IMMP2L: variants seen among roughly 807,000 people sequenced by gnomAD.
IMMP2L encodes the protein inner mitochondrial membrane peptidase subunit 2, also known as mitochondrial inner membrane protease subunit 2.
In IMMP2L, 18 loss-of-function variants were observed where a neutral mutation model predicts 19.3. The ratio of observed to expected loss-of-function variants is 0.93; its 90% CI spans 0.64 to 1.38. IMMP2L has a LOEUF of 1.38. IMMP2L is among the 40% of genes most tolerant of loss of function. IMMP2L has a pLI of 0.00. For synonymous variants in IMMP2L, 76 were observed against 73.0 expected (o/e 1.04, Z -0.21); for missense variants, 233 against 218.2 (o/e 1.07, Z -0.43).
chr7:111,281,373 T>A (rs1389029345), intron 3 of IMMP2L, among the ~76,000 whole-genome samples: 1 of 151,954 alleles, frequency 6.6e-6, no homozygotes, highest in East Asian at 1.9e-4. Flanking sequence ...GGCAATAAAA[T>A]TTAGTAACCC....
chr7:110,994,164 A>C, intron 3 of IMMP2L, among the ~76,000 whole-genome samples: 2 of 115,050 alleles, frequency 1.7e-5, no homozygotes, highest in Admixed American at 9.0e-5. Context: ...TAGAGAAACC[A>C]CACACTTGGC....
intron 3 of IMMP2L, among the ~76,000 whole-genome samples, chr7:111,273,786 T>C (rs1360037123): frequency 6.6e-6 from 1 of 152,078 alleles, no homozygotes; most frequent in Non-Finnish European, 1.5e-5. Context: ...CTGGAATTAA[T>C]AATTATGTTT....
Position 110,663,296 on chromosome 7 carries a change from C to T in IMMP2L, c.*306G>A, listed in dbSNP as rs560972544. 4.3e-6 allele frequency: 1 copy of T among 233,576 alleles called. No individual in the cohort carries two copies. The highest frequency in any genetic ancestry group is 6.1e-5 in the South Asian group (1 of 16,294). The allele number at this position is 233,576 out of a possible 1,614,324, so 14.5% of individuals were successfully genotyped here. A position where few individuals can be genotyped will look rare whatever the true frequency, so the allele number is the denominator to read the frequency against. ...CAATCAATATAATAAGTATATGTAA[C>T]AAATAATCTGAAATTCAGCCCCATT... On this transcript the variant is annotated 3_prime_UTR_variant, in exon 6 of 6. Coordinates refer to ENST00000405709, the MANE Select transcript of IMMP2L (RefSeq NM_032549.4).
chr7:111,103,849 T>A (rs528591586), intron 3 of IMMP2L, among the ~76,000 whole-genome samples: 25 of 151,642 alleles, frequency 1.6e-4, no homozygotes, highest in Non-Finnish European at 3.5e-4. Context: ...AACAATGACA[T>A]GGCAGCAGCA....
At chr7:110,827,879 A>C (rs1803646878) in intron 5 of IMMP2L, among the ~76,000 whole-genome samples, 1 of 152,152 alleles carries the variant, frequency 6.6e-6, no homozygotes, top group Non-Finnish European at 1.5e-5. Context: ...CACATAAGAA[A>C]CACCTCTGGA....
intron 3 of IMMP2L, among the ~76,000 whole-genome samples, chr7:111,478,190 A>G (rs1396615254): frequency 6.6e-6 from 1 of 151,866 alleles, no homozygotes; most frequent in African/African-American, 2.4e-5. Context: ...CCCATGCACT[A>G]TTCTATATAT....
chr7:111,274,061 A>G (rs1044184852), intron 3 of IMMP2L, among the ~76,000 whole-genome samples: 1 of 152,146 alleles, frequency 6.6e-6, no homozygotes, highest in Non-Finnish European at 1.5e-5. Flanking sequence ...TACTCTGCCA[A>G]TGACACCCAA....
intron 3 of IMMP2L, among the ~76,000 whole-genome samples, chr7:111,119,766 A>T (rs765026609): frequency 7.9e-5 from 12 of 152,070 alleles, no homozygotes; most frequent in Non-Finnish European, 1.3e-4. Context: ...TGCCCAGAAG[A>T]TAGGATGCAA....
At chr7:111,336,391 A>G (rs1412145904) in intron 3 of IMMP2L, among the ~76,000 whole-genome samples, 10 of 151,950 alleles carry the variant, frequency 6.6e-5, no homozygotes, top group Non-Finnish European at 1.5e-5. Flanking sequence ...AAATAAAAAT[A>G]TTATGTGTTT....
chr7:110,916,459 AG>A (rs944922828), intron 4 of IMMP2L, among the ~76,000 whole-genome samples: 1 of 152,236 alleles, frequency 6.6e-6, no homozygotes, highest in Admixed American at 6.5e-5. Flanking sequence ...ATTATATAAA[AG>A]TGGTGGGACA....
intron 5 of IMMP2L, among the ~76,000 whole-genome samples, chr7:110,736,518 T>C (rs1796646641): frequency 6.6e-6 from 1 of 152,226 alleles, no homozygotes; most frequent in Non-Finnish European, 1.5e-5. Flanking sequence ...CTGTGTGGGC[T>C]GTGCCCAGCA....
chr7:111,079,598 G>C (rs1376757976), intron 3 of IMMP2L, among the ~76,000 whole-genome samples: 1 of 152,182 alleles, frequency 6.6e-6, no homozygotes, highest in Non-Finnish European at 1.5e-5. Flanking sequence ...AAGCACATGT[G>C]TGCTTGCATA....
Position 111,035,900 on chromosome 7 carries a change from T to A in IMMP2L, c.240-72335A>T, listed in dbSNP as rs552169659. 4.3e-4 allele frequency among the ~76,000 whole-genome samples: 65 copies of A among 152,214 alleles called. 1 individual carries two copies. The Middle Eastern group carries it at 0.017, about 40-fold the overall frequency. ...CATTCCACATTTGAACTTGGGCAAG[T>A]TACCTCCCTGTGCCTCAGTTTCCTC... On this transcript the variant is annotated intron_variant, in intron 3 of 5. Coordinates refer to ENST00000405709, the MANE Select transcript of IMMP2L (RefSeq NM_032549.4).
intron 5 of IMMP2L, among the ~76,000 whole-genome samples, chr7:110,730,588 C>G (rs1346169674): frequency 2.6e-5 from 4 of 151,122 alleles, no homozygotes; most frequent in Non-Finnish European, 4.4e-5. Context: ...GAGTGCATGC[C>G]ATCTCGGCTC....
chr7:111,013,679 T>A (rs1003898527), intron 3 of IMMP2L, among the ~76,000 whole-genome samples: 6 of 152,130 alleles, frequency 3.9e-5, no homozygotes, highest in Non-Finnish European at 8.8e-5. Flanking sequence ...TGCCTACAAG[T>A]GGAAAAAATC....
At chr7:111,391,785 G>A (rs1832375372) in intron 3 of IMMP2L, 1 of 661,074 alleles carries the variant, frequency 1.5e-6, no homozygotes, top group African/African-American at 1.8e-5. Context: ...ATAAGAGTAT[G>A]AGTTCAAGGA....
chr7:111,388,179 G>A (rs1428653819), intron 3 of IMMP2L, among the ~76,000 whole-genome samples: 1 of 151,968 alleles, frequency 6.6e-6, no homozygotes, highest in Non-Finnish European at 1.5e-5. Flanking sequence ...GGTTAGGACT[G>A]AGAAATTAGC....
chr7:110,784,605 C>A (rs1172980807), intron 5 of IMMP2L, among the ~76,000 whole-genome samples: 1 of 151,992 alleles, frequency 6.6e-6, no homozygotes, highest in Admixed American at 6.6e-5. Flanking sequence ...CTCATCCATG[C>A]TTAAAGCTTT....
intron 3 of IMMP2L, among the ~76,000 whole-genome samples, chr7:111,047,054 G>GAATCATT (rs1334069983): frequency 6.6e-6 from 1 of 152,140 alleles, no homozygotes; most frequent in African/African-American, 2.4e-5. Context: ...AAGTGGCAGG[G>GAATCATT]AATCATTTGC....
Sources: gnomAD v4.1 joint callset for allele counts (sites outside exome capture counted in the v4.1 genomes callset) on GRCh38, gnomAD v4.1.1 for gene constraint, MANE v1.5 for transcripts, NCBI Gene and HGNC (gene_info 2026-07-23, HGNC 2026-07-21) for gene names.